TBXAS1: variants seen among roughly 807,000 people sequenced by gnomAD.
TBXAS1 encodes the protein thromboxane-A synthase.
A neutral mutation model predicts 60.7 loss-of-function variants in TBXAS1; 48 were observed. That is an observed-to-expected ratio of 0.79 (90% CI 0.63 to 1.01). TBXAS1 has a LOEUF of 1.01. Among genes scored for constraint, TBXAS1 ranks in the 50% least tolerant of loss-of-function variants. The pLI, the probability that TBXAS1 is intolerant of heterozygous loss-of-function variation, is 0.00. For synonymous variants in TBXAS1, 287 were observed against 269.7 expected (o/e 1.06, Z -0.63); for missense variants, 685 against 686.3 (o/e 1.00, Z 0.02).
At chr7:139,968,287 T>TTTTTG (rs1024345063) in intron 9 of TBXAS1, among the ~76,000 whole-genome samples, 52 of 152,024 alleles carry the variant, frequency 3.4e-4, no homozygotes, top group Middle Eastern at 3.2e-3. Flanking sequence ...TTTTTGTTTG[T>TTTTTG]TTTTGTTTTG....
intron 5 of TBXAS1, chr7:139,952,492 A>G: frequency 2.0e-6 from 3 of 1,518,506 alleles, no homozygotes; most frequent in Non-Finnish European, 2.6e-6. Flanking sequence ...ACGTTGCTTT[A>G]GCTGTGATGC....
At chr7:139,968,706 A>G (rs573590033) in intron 9 of TBXAS1, among the ~76,000 whole-genome samples, 30 of 152,278 alleles carry the variant, frequency 2.0e-4, no homozygotes, top group Non-Finnish European at 3.7e-4. Context: ...CTCTTGTCCC[A>G]CCATCAAAAT....
At chr7:139,970,618 T>C (rs41717) in intron 9 of TBXAS1, among the ~76,000 whole-genome samples, 103,148 of 152,164 alleles carry the variant, frequency 0.68, 35,185 homozygotes, top group Non-Finnish European at 0.7. Context: ...GTTTCCTGAT[T>C]ATTCCATAAT....
At chr7:139,895,595 G>A (rs1437183534) in intron 3 of TBXAS1, among the ~76,000 whole-genome samples, 1 of 152,260 alleles carries the variant, frequency 6.6e-6, no homozygotes, top group Non-Finnish European at 1.5e-5. Flanking sequence ...GGAGCTAACA[G>A]CTGGAGGCTC....
chr7:139,994,862 C>T (rs8192859), intron 9 of TBXAS1, among the ~76,000 whole-genome samples: 22,009 of 152,232 alleles, frequency 0.14, 2,041 homozygotes, highest in Non-Finnish European at 0.21. Flanking sequence ...ATAAATCCAT[C>T]GGTGGTCTGC....
intron 3 of TBXAS1, among the ~76,000 whole-genome samples, chr7:139,903,497 T>A (rs965112870): frequency 6.6e-6 from 1 of 152,106 alleles, no homozygotes; most frequent in Non-Finnish European, 1.5e-5. Flanking sequence ...AGTTCTACTT[T>A]TAGTTCTTTA....
rs1456908121 is a variant in TBXAS1, at chr7:140,013,822, T to C, written c.1227-1901T>C. The stretch of plus-strand genomic sequence containing the variant: ...GCCTCCAACACACCTGACCTGCTCA[T>C]GGCCTTAATCCCAAACCCAGGTCCT... On this transcript the variant is annotated intron_variant, in intron 10 of 12. Coordinates refer to ENST00000448866, the MANE Select transcript of TBXAS1 (RefSeq NM_001061.7). This position sits in a 1 kb window ranked among gnomAD's most constrained non-coding sequence, Gnocchi z 4.2. Among the ~76,000 whole-genome samples the C allele has an allele frequency of 2.6e-5, 4 of 152,242 alleles. No individual in the cohort carries two copies. The highest frequency in any genetic ancestry group is 5.9e-5 in the Non-Finnish European group (4 of 68,040).
chr7:139,849,337 C>T (rs961097434), intron 1 of TBXAS1, among the ~76,000 whole-genome samples: 4 of 151,860 alleles, frequency 2.6e-5, no homozygotes, highest in African/African-American at 4.8e-5. Flanking sequence ...CAAGATCGCA[C>T]CACTGCACTT....
At chr7:139,830,464 T>C (rs1320549265) in intron 1 of TBXAS1, among the ~76,000 whole-genome samples, 1 of 152,232 alleles carries the variant, frequency 6.6e-6, no homozygotes, top group Non-Finnish European at 1.5e-5. Context: ...TCTATGATGA[T>C]GAAATTACTT....
rs1337437469 is a variant in TBXAS1, at chr7:139,984,296, A to T, written c.1134+22063A>T. Among the ~76,000 whole-genome samples the T allele has an allele frequency of 2.0e-5, 3 of 152,192 alleles. No homozygotes were observed. The East Asian group carries it at 5.8e-4, about 29-fold the overall frequency. ...TTTTTTTATTTTGCTACTTTGTTTC[A>T]AATCTTCAAATCTTCCTATTATTCC... On this transcript the variant is annotated intron_variant, in intron 9 of 12. Coordinates refer to ENST00000448866, the MANE Select transcript of TBXAS1 (RefSeq NM_001061.7).
intron 3 of TBXAS1, among the ~76,000 whole-genome samples, chr7:139,904,556 T>A (rs906735593): frequency 1.3e-5 from 2 of 152,240 alleles, no homozygotes; most frequent in African/African-American, 4.8e-5. Flanking sequence ...ATTTTCACAA[T>A]ATTGATTCGA....
At chr7:140,000,160 GAGTT>G (rs1377217037) in intron 9 of TBXAS1, among the ~76,000 whole-genome samples, 1 of 152,136 alleles carries the variant, frequency 6.6e-6, no homozygotes, top group East Asian at 1.9e-4. Flanking sequence ...ATTGCCCATA[GAGTT>G]AGTTCCCTAA....
chr7:139,801,792 C>T (rs1585526129), intron 4 of TBXAS1, among the ~76,000 whole-genome samples: 2 of 152,166 alleles, frequency 1.3e-5, no homozygotes, highest in Middle Eastern at 6.8e-3. Flanking sequence ...GATACAGAGT[C>T]TCCTTTTGTC....
chr7:140,001,873 C>T (rs555201813), intron 9 of TBXAS1, among the ~76,000 whole-genome samples: 2 of 152,206 alleles, frequency 1.3e-5, no homozygotes, highest in Admixed American at 1.3e-4. Flanking sequence ...CTGGCTTATT[C>T]TCACTCATCC....
At chr7:140,015,973 A>G (rs1815010968) in intron 11 of TBXAS1, 113 bp downstream of exon 11, 1 of 1,438,002 alleles carries the variant, frequency 7.0e-7, no homozygotes, top group Non-Finnish European at 9.7e-7. Context: ...GTCCCCAAAT[A>G]GTCAAAAGTT....
intron 9 of TBXAS1, among the ~76,000 whole-genome samples, chr7:139,988,371 C>T (rs375966951): frequency 8.5e-5 from 13 of 152,240 alleles, no homozygotes; most frequent in South Asian, 6.2e-4. Context: ...ATCACACTTG[C>T]GCTGTTCTGA....
rs185759821 is a variant in TBXAS1 at position 139,898,061 on chromosome 7, C to T, written c.237-13164C>T. 1.7e-4 allele frequency among the ~76,000 whole-genome samples: 26 copies of T among 152,324 alleles called. No homozygotes were observed. In the East Asian group the frequency reaches 4.2e-3, roughly 25 times the overall value. The stretch of plus-strand genomic sequence containing the variant: ...TGGCACCCTGTGGACCATCCAGCCC[C>T]GGAGGAGCGCCTGTGAGTCAAATGC... On this transcript the variant is annotated intron_variant, in intron 3 of 12. Coordinates refer to ENST00000448866, the MANE Select transcript of TBXAS1 (RefSeq NM_001061.7).
At chr7:140,008,098 G>A (rs1420694535) in intron 10 of TBXAS1, among the ~76,000 whole-genome samples, 2 of 152,194 alleles carry the variant, frequency 1.3e-5, no homozygotes, top group South Asian at 2.1e-4. Flanking sequence ...TGAATTAACA[G>A]ATCACATAAA....
intron 5 of TBXAS1, among the ~76,000 whole-genome samples, chr7:139,951,105 G>A (rs1167430012): frequency 7.9e-5 from 12 of 152,140 alleles, no homozygotes; most frequent in Non-Finnish European, 1.5e-4. Flanking sequence ...ATAAGAGATC[G>A]TTCTGCTCAG....
Sources: gnomAD v4.1 joint callset for allele counts (sites outside exome capture counted in the v4.1 genomes callset) on GRCh38, gnomAD v4.1.1 for gene constraint, Gnocchi (gnomAD v3.1) non-coding constraint, MANE v1.5 for transcripts, NCBI Gene and HGNC (gene_info 2026-07-23, HGNC 2026-07-21) for gene names.